Variants in NCKAP5 observed in about 807,000 individuals in gnomAD.
The protein encoded by NCKAP5 is NCK associated protein 5.
Under a neutral mutation model 167.0 loss-of-function variants are expected in NCKAP5, and 92 were observed. The ratio of observed to expected loss-of-function variants is 0.55; its 90% CI spans 0.47 to 0.66. The LOEUF (loss-of-function observed/expected upper bound fraction) is 0.66. Among genes scored for constraint, NCKAP5 ranks in the 30% least tolerant of loss-of-function variants. The pLI is 0.00. For missense variants in NCKAP5, 2,378 were observed against 2,315.0 expected (o/e 1.03, Z -0.56); for synonymous variants, 891 against 877.4 (o/e 1.02, Z -0.27).
intron 2 of NCKAP5, among the ~76,000 whole-genome samples, chr2:133,533,349 T>G (rs1316103413): frequency 6.6e-6 from 1 of 152,214 alleles, no homozygotes; most frequent in African/African-American, 2.4e-5. Context: ...AATCTCTCAA[T>G]GTTTGAAGAT....
At chr2:133,286,839 C>A (rs1293130395) in intron 4 of NCKAP5, among the ~76,000 whole-genome samples, 35 of 152,050 alleles carry the variant, frequency 2.3e-4, no homozygotes, top group Non-Finnish European at 5.9e-5. Context: ...TTAGATAAAT[C>A]CTTTAACAGG....
At chr2:133,025,309 A>G (rs2078659196) in intron 6 of NCKAP5, among the ~76,000 whole-genome samples, 1 of 152,224 alleles carries the variant, frequency 6.6e-6, no homozygotes, top group African/African-American at 2.4e-5. Context: ...ATGTAAAGCT[A>G]CTAATCAGTC....
chr2:133,615,485 A>AT, the NCKAP5 span, among the ~76,000 whole-genome samples: 1 of 152,188 alleles, frequency 6.6e-6, no homozygotes, highest in Non-Finnish European at 1.5e-5. Flanking sequence ...ACAAAAAAAA[A>AT]GCAGGGGTTG....
At chr2:133,089,351 A>G (rs900650125) in intron 6 of NCKAP5, among the ~76,000 whole-genome samples, 6 of 152,226 alleles carry the variant, frequency 3.9e-5, no homozygotes, top group African/African-American at 1.4e-4. Flanking sequence ...AATGAGGTCT[A>G]TTGAGTTTCA....
At chr2:133,375,938 T>C (rs764781510) in intron 3 of NCKAP5, among the ~76,000 whole-genome samples, 2 of 152,150 alleles carry the variant, frequency 1.3e-5, no homozygotes, top group African/African-American at 2.4e-5. Flanking sequence ...GTCTGAAAGA[T>C]AAGCACATGG....
intron 7 of NCKAP5, among the ~76,000 whole-genome samples, chr2:132,979,500 C>A (rs1440287875): frequency 6.6e-6 from 1 of 152,140 alleles, no homozygotes; most frequent in Non-Finnish European, 1.5e-5. Context: ...TCCTACCAAC[C>A]CATGCTTCAA....
intron 5 of NCKAP5, among the ~76,000 whole-genome samples, chr2:133,179,035 G>A (rs1239619882): frequency 6.6e-6 from 1 of 152,020 alleles, no homozygotes; most frequent in African/African-American, 2.4e-5. Flanking sequence ...GAGCTTGGTG[G>A]TGTCAGCATG....
intron 7 of NCKAP5, among the ~76,000 whole-genome samples, chr2:132,991,110 G>T (rs1359135070): frequency 2.6e-5 from 4 of 152,080 alleles, no homozygotes; most frequent in African/African-American, 9.7e-5. Context: ...GACTGACCAG[G>T]GTTCAAAACT....
In NCKAP5 at chr2:132,783,067, A is replaced by G. The variant is rs772218400; in HGVS notation, c.3744T>C (p.Asn1248=). The change falls in exon 14 of 20, where the codon AAT becomes AAC. Residue 1248 remains asparagine, a synonymous_variant. Transcript: ENST00000409261. ...PGSDGRDGVD[N]RSMRRSLSSS... ...AGGAAAGGGATCTTCTCATGGATCTATTATCTACCCCATCCCTTCCATCAC... is the reference window on the plus strand; with the variant it reads ...AGGAAAGGGATCTTCTCATGGATCTGTTATCTACCCCATCCCTTCCATCAC... 2.2e-5 allele frequency: 35 copies of G among 1,613,676 alleles called. No homozygotes were observed. The African/African-American group carries it at 3.9e-4, about 18-fold the overall frequency.
At chr2:133,517,078 T>C (rs553875037) in intron 3 of NCKAP5, among the ~76,000 whole-genome samples, 1 of 152,236 alleles carries the variant, frequency 6.6e-6, no homozygotes, top group Non-Finnish European at 1.5e-5. Context: ...TATTTGAACC[T>C]GTATTGAATT....
intron 8 of NCKAP5, among the ~76,000 whole-genome samples, chr2:132,938,351 A>G (rs1254846211): frequency 1.3e-5 from 2 of 152,220 alleles, no homozygotes; most frequent in African/African-American, 4.8e-5. Context: ...TATTTGAGAA[A>G]TACCATGTGT....
At chr2:132,947,363 G>T (rs1379227587) in intron 8 of NCKAP5, among the ~76,000 whole-genome samples, 1 of 152,154 alleles carries the variant, frequency 6.6e-6, no homozygotes, top group Non-Finnish European at 1.5e-5. Context: ...TACTGATAGA[G>T]TAAATGGAAA....
intron 2 of NCKAP5, among the ~76,000 whole-genome samples, chr2:133,538,931 G>GTT (rs71412735): frequency 0.022 from 2,396 of 108,382 alleles, 174 homozygotes; most frequent in Non-Finnish European, 0.028. Context: ...GTTTTTTTGG[G>GTT]TTTTTTTTTT....
intron 11 of NCKAP5, among the ~76,000 whole-genome samples, chr2:132,827,438 T>C (rs1304993271): frequency 2.0e-5 from 3 of 152,174 alleles, no homozygotes; most frequent in African/African-American, 7.2e-5. Context: ...TACATATTCA[T>C]GGGGTACATA....
At chr2:132,818,002 C>T (rs926733293) in intron 11 of NCKAP5, among the ~76,000 whole-genome samples, 1 of 152,222 alleles carries the variant, frequency 6.6e-6, no homozygotes, top group South Asian at 2.1e-4. Context: ...GGCTGCAGTG[C>T]CGCGGCATGA....
At chr2:133,412,408 G>A (rs1474465486) in intron 3 of NCKAP5, among the ~76,000 whole-genome samples, 1 of 152,124 alleles carries the variant, frequency 6.6e-6, no homozygotes, top group African/African-American at 2.4e-5. Flanking sequence ...CAGCAGCCCA[G>A]AATAAGACAG....
At position 133,267,923 on chromosome 2, in the gene NCKAP5, AC is replaced by A; in HGVS notation, c.143+35113del. On this transcript the variant is annotated intron_variant, in intron 4 of 19. Coordinates refer to ENST00000409261, the MANE Select transcript of NCKAP5 (RefSeq NM_207363.3). ...TAAATGGCAGTAGTCCTAGAGACAT[AC>A]AAACAAGTCTTAAAGCATGGAAGAA... 3.3e-5 allele frequency among the ~76,000 whole-genome samples: 5 copies of A among 152,378 alleles called. No homozygotes were observed. In the Middle Eastern group the frequency reaches 0.014, roughly 415 times the overall value.
chr2:133,498,053 T>C (rs1339715551), intron 3 of NCKAP5, among the ~76,000 whole-genome samples: 1 of 152,194 alleles, frequency 6.6e-6, no homozygotes, highest in Non-Finnish European at 1.5e-5. Flanking sequence ...TAGCTTCTCA[T>C]AGGGACCAAG....
At chr2:132,984,841 C>A (rs1374886267) in intron 7 of NCKAP5, among the ~76,000 whole-genome samples, 4 of 150,866 alleles carry the variant, frequency 2.7e-5, no homozygotes, top group Non-Finnish European at 4.4e-5. Flanking sequence ...CTGATATCAT[C>A]GTGATTTTGC....
Sources: gnomAD v4.1 joint callset for allele counts (sites outside exome capture counted in the v4.1 genomes callset) on GRCh38, gnomAD v4.1.1 for gene constraint, MANE v1.5 for transcripts, NCBI Gene and HGNC (gene_info 2026-07-23, HGNC 2026-07-21) for gene names.